Variants in TBCE observed in about 807,000 individuals in gnomAD.
The protein encoded by TBCE is tubulin folding cofactor E.
A neutral mutation model predicts 77.0 loss-of-function variants in TBCE; 53 were observed. The ratio of observed to expected loss-of-function variants is 0.69; its 90% confidence interval spans 0.55 to 0.87. The LOEUF is 0.87. Ranked by LOEUF, TBCE falls within the 40% of genes least tolerant of loss-of-function variation. TBCE has a pLI of 0.00. For missense variants in TBCE, 624 were observed against 622.4 expected (o/e 1.00, Z -0.03); for synonymous variants, 235 against 241.3 (o/e 0.97, Z 0.24).
In TBCE at chr1:235,450,668, TTAG is replaced by T. The variant is rs561788261; in HGVS notation, c.*1909_*1911del. 78 of 262,416 alleles carry T rather than the reference TTAG, an allele frequency of 3.0e-4. 1 individual carries two copies. Among genetic ancestry groups the T allele is most frequent in the Admixed American group, 2.4e-3 (51 of 21,078 alleles). 16.3% of individuals were successfully genotyped at this position (262,416 alleles called of 1,614,324 possible). On this transcript the variant is annotated 3_prime_UTR_variant, in exon 17 of 17. Coordinates refer to ENST00000642610, the MANE Select transcript of TBCE (RefSeq NM_003193.5). ...TAGTAAAGGTGTGTCTATGGCAGTA[TTAG>T]TAACAGCTATTATTCTGATGGAATG...
At chr1:235,439,468 C>T (rs1681689977) in intron 13 of TBCE, among the ~76,000 whole-genome samples, 1 of 151,714 alleles carries the variant, frequency 6.6e-6, no homozygotes, top group Non-Finnish European at 1.5e-5. Context: ...TGTACTCCAG[C>T]CTGGGCGACA....
At chr1:235,398,730 C>T (rs1678901098) in intron 2 of TBCE, among the ~76,000 whole-genome samples, 1 of 146,382 alleles carries the variant, frequency 6.8e-6, no homozygotes, top group Non-Finnish European at 1.5e-5. Context: ...CCACCTCAGC[C>T]TTCCGAGTAG....
In TBCE at chr1:235,451,308, TAGTC is replaced by T. The variant is rs1436727175; in HGVS notation, c.*2551_*2554del. On this transcript the variant is annotated 3_prime_UTR_variant, in exon 17 of 17. Transcript: ENST00000642610. ...TGCACTTAGGTAGGTCTGGGGCTGG[TAGTC>T]AGTCTGTGTAAGCCCAACAGTTCCA... The T allele has an allele frequency of 6.6e-6, 1 of 152,110 alleles. No individual in the cohort carries two copies. The highest frequency in any genetic ancestry group is 6.5e-5 in the Admixed American group (1 of 15,276). 9.4% of individuals were successfully genotyped at this position (152,110 alleles called of 1,614,324 possible).
At chr1:235,382,038 C>T (rs1407083469) in intron 2 of TBCE, among the ~76,000 whole-genome samples, 1 of 144,072 alleles carries the variant, frequency 6.9e-6, no homozygotes, top group Non-Finnish European at 1.5e-5. Flanking sequence ...TTGTTCAGTT[C>T]CCACCTATGA....
chr1:235,404,150 G>A (rs1302783591), intron 3 of TBCE, among the ~76,000 whole-genome samples: 5 of 152,072 alleles, frequency 3.3e-5, no homozygotes, highest in African/African-American at 9.7e-5. Flanking sequence ...GGTGGCGGGC[G>A]CCTGTAGTCC....
intron 5 of TBCE, chr1:235,423,641 A>T (rs763060608): frequency 5.2e-5 from 8 of 153,944 alleles, no homozygotes; most frequent in Non-Finnish European, 8.7e-5. Flanking sequence ...GCCATCATGC[A>T]GGTGTGGGCC....
intron 2 of TBCE, among the ~76,000 whole-genome samples, chr1:235,383,399 C>T (rs1158431345): frequency 6.6e-6 from 1 of 152,118 alleles, no homozygotes; most frequent in Admixed American, 6.6e-5. Flanking sequence ...CTGTAAATTA[C>T]CTTAGGCAGT....
rs750424356 is a variant in TBCE at position 235,414,621 on chromosome 1, A to G, written c.371+3A>G. 2.5e-6 allele frequency: 4 copies of G among 1,613,476 alleles called. No homozygotes were observed. The highest frequency in any genetic ancestry group is 2.2e-5 in the South Asian group (2 of 91,034). On this transcript the variant is annotated splice_donor_region_variant and intron_variant, in intron 4 of 16. Coordinates refer to ENST00000642610, the MANE Select transcript of TBCE (RefSeq NM_003193.5). ...GACTCTATTATGAAACAGCAAAGGTAAGTGGAGTTTATAACGGCAGAGCTG... is the reference window on the plus strand; with the variant it reads ...GACTCTATTATGAAACAGCAAAGGTGAGTGGAGTTTATAACGGCAGAGCTG...
chr1:235,433,237 T>A, intron 7 of TBCE: 1 of 1,227,760 alleles, frequency 8.1e-7, no homozygotes. Context: ...TATTTGGTTT[T>A]TGAGATGGAG....
At chr1:235,427,050 T>A (rs1293441242) in intron 5 of TBCE, 90 bp from the exon 6 acceptor site, 2 of 918,904 alleles carry the variant, frequency 2.2e-6, no homozygotes, top group Non-Finnish European at 3.5e-6. Context: ...AATGAAAAGT[T>A]AAAACGCTCA....
At chr1:235,431,580 C>G (rs550726267) in intron 7 of TBCE, among the ~76,000 whole-genome samples, 1 of 151,924 alleles carries the variant, frequency 6.6e-6, no homozygotes, top group African/African-American at 2.4e-5. Context: ...AGGCTGGTCT[C>G]GAACTCCTGA....
intron 6 of TBCE, among the ~76,000 whole-genome samples, chr1:235,428,402 CT>C (rs1455050856): frequency 6.6e-6 from 1 of 152,074 alleles, no homozygotes; most frequent in Non-Finnish European, 1.5e-5. Flanking sequence ...CTCTCTCTTA[CT>C]AGAGAGAGAG....
intron 3 of TBCE, among the ~76,000 whole-genome samples, chr1:235,405,212 C>T (rs140088858): frequency 0.01 from 1,587 of 152,140 alleles, 9 homozygotes; most frequent in Non-Finnish European, 0.014. Flanking sequence ...ATCTGCCTGC[C>T]TTGGCTTCCC....
At chr1:235,426,527 G>A (rs1680722764) in intron 5 of TBCE, among the ~76,000 whole-genome samples, 1 of 152,156 alleles carries the variant, frequency 6.6e-6, no homozygotes, top group Non-Finnish European at 1.5e-5. Context: ...TACCCTCACT[G>A]CTTTTCCCCT....
At chr1:235,442,257 G>A (rs1224695949) in intron 14 of TBCE, among the ~76,000 whole-genome samples, 1 of 152,070 alleles carries the variant, frequency 6.6e-6, no homozygotes, top group African/African-American at 2.4e-5. Flanking sequence ...CGCAACCTCC[G>A]CCTCCCGGGT....
intron 8 of TBCE, 141 bp from the exon 9 acceptor site, chr1:235,435,604 T>C (rs1681397322): frequency 1.4e-6 from 1 of 718,218 alleles, no homozygotes. Flanking sequence ...CAGGGACCAC[T>C]CAGGTTGCCC....
chr1:235,431,735 C>T (rs1346498616), intron 7 of TBCE, among the ~76,000 whole-genome samples: 3 of 136,048 alleles, frequency 2.2e-5, no homozygotes, highest in Non-Finnish European at 3.2e-5. Context: ...TGCAGTGGCG[C>T]AATCTCGGCT....
chr1:235,424,228 A>G (rs1680569328), intron 5 of TBCE, among the ~76,000 whole-genome samples: 2 of 152,052 alleles, frequency 1.3e-5, no homozygotes, highest in Admixed American at 6.6e-5. Context: ...ACAACCCAGC[A>G]ATCAGCATAG....
intron 6 of TBCE, among the ~76,000 whole-genome samples, chr1:235,428,941 T>TTATG (rs1210185541): frequency 2.7e-5 from 4 of 148,634 alleles, no homozygotes; most frequent in Non-Finnish European, 4.4e-5. Flanking sequence ...GTGCCCAGCC[T>TTATG]TATGTATGTA....
Sources: allele counts gnomAD v4.1 joint callset (sites outside exome capture counted in the v4.1 genomes callset), GRCh38; gene constraint gnomAD v4.1.1; transcripts MANE v1.5; gene names NCBI Gene and HGNC (gene_info 2026-07-23, HGNC 2026-07-21).